CAMK4: variants seen among roughly 807,000 people sequenced by gnomAD.
CAMK4 encodes calcium/calmodulin-dependent protein kinase type IV.
In CAMK4, 22 loss-of-function variants were observed where a neutral mutation model predicts 44.9. The observed-to-expected ratio is 0.49, with a 90% CI of 0.35 to 0.70. CAMK4 has a LOEUF of 0.70. Among genes scored for constraint, CAMK4 ranks in the 30% least tolerant of loss-of-function variants. The probability of loss-of-function intolerance (pLI) is 0.01; values close to 1 mark genes in which losing one functional copy is unlikely to be tolerated. For synonymous variants in CAMK4, 218 were observed against 215.4 expected (o/e 1.01, Z -0.11); for missense variants, 498 against 586.8 (o/e 0.85, Z 1.56).
chr5:111,344,609 A>G (rs1425547286), intron 2 of CAMK4, among the ~76,000 whole-genome samples: 1 of 151,842 alleles, frequency 6.6e-6, no homozygotes, highest in East Asian at 1.9e-4. Flanking sequence ...TCAGTAGAGT[A>G]TAATTGAATT....
chr5:111,458,550 C>A (rs1234990812), intron 7 of CAMK4, among the ~76,000 whole-genome samples: 1 of 149,000 alleles, frequency 6.7e-6, no homozygotes, highest in African/African-American at 2.4e-5. Context: ...AAGAACTCTT[C>A]CTTAAGTATA....
chr5:111,356,545 T>C (rs1214450456), intron 2 of CAMK4, among the ~76,000 whole-genome samples: 1 of 152,276 alleles, frequency 6.6e-6, no homozygotes, highest in African/African-American at 2.4e-5. Context: ...TTGTTACCAT[T>C]GCTTTTGGTG....
chr5:111,371,088 G>T (rs999781735), intron 2 of CAMK4, among the ~76,000 whole-genome samples: 1 of 152,050 alleles, frequency 6.6e-6, no homozygotes, highest in African/African-American at 2.4e-5. Flanking sequence ...TTTACAAAAT[G>T]TATGCTTTTT....
rs528131622 is a variant in CAMK4, at chr5:111,230,822, T to A, written c.161+6178T>A. Among the ~76,000 whole-genome samples, 450 of 151,650 alleles carry A rather than the reference T, an allele frequency of 3.0e-3. 5 individuals carry two copies. Among genetic ancestry groups the A allele is most frequent in the African/African-American group, 8.5e-3 (350 of 41,390 alleles). Reference sequence around the variant, plus strand: ...TTTTTCTTTTTTTCCTCTTTTTTTTTAAAAAAAATAAAGGGTTTTTTAAAA... The same window carrying A: ...TTTTTCTTTTTTTCCTCTTTTTTTTAAAAAAAAATAAAGGGTTTTTTAAAA... On this transcript the variant is annotated intron_variant, in intron 1 of 10. Transcript: ENST00000282356.
chr5:111,296,957 C>T (rs1010924382), intron 1 of CAMK4, among the ~76,000 whole-genome samples: 1 of 152,162 alleles, frequency 6.6e-6, no homozygotes, highest in African/African-American at 2.4e-5. Flanking sequence ...TTGATCAGAA[C>T]CTTTATGAGG....
At chr5:111,229,738 T>A (rs79732143) in intron 1 of CAMK4, among the ~76,000 whole-genome samples, 2 of 152,208 alleles carry the variant, frequency 1.3e-5, no homozygotes, top group African/African-American at 4.8e-5. Flanking sequence ...TAGGTTTTTT[T>A]ATCTTACTAG....
intron 5 of CAMK4, among the ~76,000 whole-genome samples, chr5:111,417,723 C>G (rs1696784832): frequency 6.6e-6 from 1 of 152,032 alleles, no homozygotes; most frequent in Non-Finnish European, 1.5e-5. Context: ...AGGAAATTTC[C>G]AGATATTTGA....
At chr5:111,393,574 A>T (rs548481943) in intron 4 of CAMK4, among the ~76,000 whole-genome samples, 1 of 152,270 alleles carries the variant, frequency 6.6e-6, no homozygotes, top group African/African-American at 2.4e-5. Context: ...ATCATGTCCT[A>T]TGAAGGGACA....
At chr5:111,351,910 A>G (rs1375480268) in intron 2 of CAMK4, among the ~76,000 whole-genome samples, 3 of 152,154 alleles carry the variant, frequency 2.0e-5, no homozygotes, top group Non-Finnish European at 4.4e-5. Context: ...TCAAGGTGAC[A>G]GCAGATTTGG....
chr5:111,430,168 C>T (rs1164968955), intron 5 of CAMK4, among the ~76,000 whole-genome samples: 4 of 152,016 alleles, frequency 2.6e-5, no homozygotes, highest in African/African-American at 9.7e-5. Flanking sequence ...TCAACATATG[C>T]AAATCAATCA....
intron 1 of CAMK4, among the ~76,000 whole-genome samples, chr5:111,287,447 T>C (rs1416738074): frequency 6.6e-6 from 1 of 152,240 alleles, no homozygotes; most frequent in Non-Finnish European, 1.5e-5. Context: ...TTATATGAAA[T>C]CTTGAAAAAT....
chr5:111,423,640 T>G lies in CAMK4; in HGVS notation c.460-23046T>G, dbSNP rs77195668. 6.1e-3 allele frequency among the ~76,000 whole-genome samples: 928 copies of G among 152,340 alleles called. 9 individuals carry two copies. Among genetic ancestry groups the G allele is most frequent in the African/African-American group, 0.021 (860 of 41,566 alleles). The stretch of plus-strand genomic sequence containing the variant: ...GCAGATTTCCAGAAATACCATCTTA[T>G]TTTAAGTTGAATATCACTGAGGGAG... On this transcript the variant is annotated intron_variant, in intron 5 of 10. Coordinates refer to ENST00000282356, the MANE Select transcript of CAMK4 (RefSeq NM_001744.6).
At chr5:111,335,292 T>C (rs1364496542) in intron 1 of CAMK4, among the ~76,000 whole-genome samples, 2 of 151,416 alleles carry the variant, frequency 1.3e-5, no homozygotes, top group Non-Finnish European at 3.0e-5. Context: ...TGTCTGAACA[T>C]TGTGCAATCT....
intron 1 of CAMK4, among the ~76,000 whole-genome samples, chr5:111,342,719 AAT>A (rs1422334906): frequency 1.6e-4 from 24 of 151,532 alleles, no homozygotes; most frequent in African/African-American, 4.8e-4. Flanking sequence ...TCCATTCTTG[AAT>A]ATTTCATTTT....
intron 1 of CAMK4, among the ~76,000 whole-genome samples, chr5:111,296,496 T>C (rs306103): frequency 0.94 from 142,495 of 152,322 alleles, 66,740 homozygotes; most frequent in African/African-American, 0.98. Flanking sequence ...TAATCTTTGC[T>C]GTCAGTTGAT....
intron 2 of CAMK4, among the ~76,000 whole-genome samples, chr5:111,363,062 A>G (rs956801645): frequency 6.6e-6 from 1 of 152,128 alleles, no homozygotes; most frequent in Non-Finnish European, 1.5e-5. Context: ...TAAAAGCTCT[A>G]TAGCCTGAAA....
chr5:111,406,918 A>G (rs1752454452), intron 5 of CAMK4, among the ~76,000 whole-genome samples: 2 of 152,202 alleles, frequency 1.3e-5, no homozygotes, highest in African/African-American at 2.4e-5. Context: ...TCCTTGGATT[A>G]TGATCTTTAG....
At chr5:111,332,334 G>T (rs1311576486) in intron 1 of CAMK4, among the ~76,000 whole-genome samples, 1 of 146,804 alleles carries the variant, frequency 6.8e-6, no homozygotes, top group Non-Finnish European at 1.5e-5. Flanking sequence ...GCGGTGTTTG[G>T]TTTTTTGTCC....
At chr5:111,273,901 G>T (rs1214921155) in intron 1 of CAMK4, among the ~76,000 whole-genome samples, 4 of 151,214 alleles carry the variant, frequency 2.6e-5, no homozygotes, top group African/African-American at 9.7e-5. Flanking sequence ...TGTGTGTCCT[G>T]CAGGCTCTTT....
Sources: allele counts gnomAD v4.1 joint callset (sites outside exome capture counted in the v4.1 genomes callset), GRCh38; gene constraint gnomAD v4.1.1; transcripts MANE v1.5; gene names NCBI Gene and HGNC (gene_info 2026-07-23, HGNC 2026-07-21).